FABP3: variants seen among roughly 807,000 people sequenced by gnomAD.
FABP3 encodes the protein fatty acid-binding protein, heart.
A neutral mutation model predicts 13.4 loss-of-function variants in FABP3; 8 were observed. That is an observed-to-expected ratio of 0.60 (90% CI 0.35 to 1.07). The LOEUF (loss-of-function observed/expected upper bound fraction) is 1.07, where lower values mean the gene tolerates loss of function less well. Among genes scored for constraint, FABP3 ranks in the 50% least tolerant of loss-of-function variants. The pLI, the probability that FABP3 is intolerant of heterozygous loss-of-function variation, is 0.02. For missense variants in FABP3, 135 were observed against 164.7 expected, an observed-to-expected ratio of 0.82 and a Z score of 0.99; for synonymous variants, 64 against 60.0, an observed-to-expected ratio of 1.07 and a Z score of -0.31.
At chr1:31,361,786 A>ATTGATTAT (rs1639907670), downstream of FABP3, among the ~76,000 whole-genome samples, 1 of 145,814 alleles carries the variant, frequency 6.9e-6, no homozygotes, top group African/African-American at 2.5e-5. Context: ...AGAGGGGGAG[A>ATTGATTAT]TTATTTATTT....
intron 3 of FABP3, 50 bp from the exon 4 acceptor site, chr1:31,365,989 G>T (rs1460543476): frequency 1.3e-6 from 2 of 1,535,198 alleles, no homozygotes; most frequent in Non-Finnish European, 1.8e-6. Context: ...GAACACCATT[G>T]CGAGCATTCT....
At chr1:31,363,930 T>C (rs974703987), downstream of FABP3, 5 of 1,481,190 alleles carry the variant, frequency 3.4e-6, no homozygotes, top group Non-Finnish European at 4.5e-6. Context: ...CCCAAAGTAC[T>C]AGGATTACAG....
In FABP3 at chr1:31,365,917, A is replaced by T; in HGVS notation, c.371T>A (p.Val124Asp). 1 of 1,613,942 alleles carries T rather than the reference A, an allele frequency of 6.2e-7. No homozygotes were observed. Among genetic ancestry groups the T allele is most frequent in the Non-Finnish European group, 8.5e-7 (1 of 1,179,976 alleles). The change falls in exon 4 of 4, where the codon GTT becomes GAT. Residue 124 changes from valine (V) to aspartate (D), a missense_variant. Physicochemically the swap from Val to Asp is radical, Grantham distance 152. Transcript: ENST00000373713. Reference sequence around the variant, plus strand: ...CTCTTTCTCATAAGTGCGAGTGCAAACTGCAGTGCCGTGGGTGAGTGTCTG... The same window carrying T: ...CTCTTTCTCATAAGTGCGAGTGCAATCTGCAGTGCCGTGGGTGAGTGTCTG... Reference protein sequence around the residue: ...LILTLTHGTAVCTRTYEKEA With the variant: ...LILTLTHGTADCTRTYEKEA
Position 31,365,287 on chromosome 1 carries a change from C to A in FABP3, c.*599G>T, listed in dbSNP as rs902222661. Among the ~76,000 whole-genome samples the A allele has an allele frequency of 1.3e-5, 2 of 152,164 alleles. No individual in the cohort carries two copies. Among genetic ancestry groups the A allele is most frequent in the East Asian group, 3.9e-4 (2 of 5,190 alleles). On this transcript the variant is annotated 3_prime_UTR_variant, in exon 4 of 4. Coordinates refer to ENST00000373713, the MANE Select transcript of FABP3 (RefSeq NM_004102.5). Reference sequence around the variant, plus strand: ...ACAAGCCTGGGTTCTGTGCCCTGAACCTGAATTCTGGAAAGGGAGAGACTA... The same window carrying A: ...ACAAGCCTGGGTTCTGTGCCCTGAAACTGAATTCTGGAAAGGGAGAGACTA...
chr1:31,369,101 T>A, intron 2 of FABP3: 1 of 367,580 alleles, frequency 2.7e-6, no homozygotes, highest in Non-Finnish European at 5.0e-6. Flanking sequence ...GGAGCTGGAG[T>A]AGATACTGAG....
At chr1:31,363,938 C>T (rs1569964327), downstream of FABP3, 2 of 1,508,632 alleles carry the variant, frequency 1.3e-6, no homozygotes, top group East Asian at 2.3e-5. Flanking sequence ...ACTAGGATTA[C>T]AGGTGTGAGC....
intron 2 of FABP3, among the ~76,000 whole-genome samples, chr1:31,367,989 T>C (rs1035157496): frequency 3.9e-5 from 6 of 152,222 alleles, no homozygotes; most frequent in Non-Finnish European, 8.8e-5. Flanking sequence ...ATAATTAGAC[T>C]TCCTGCCCTG....
chr1:31,366,629 G>A (rs554284067), intron 3 of FABP3, among the ~76,000 whole-genome samples: 7 of 152,214 alleles, frequency 4.6e-5, no homozygotes, highest in Non-Finnish European at 1.0e-4. Flanking sequence ...AGGCCCTGTG[G>A]TTAGGCAGAA....
intron 3 of FABP3, 141 bp from the exon 4 acceptor site, chr1:31,366,080 G>A: frequency 1.6e-6 from 1 of 618,220 alleles, no homozygotes. Context: ...GTGTGTGTGT[G>A]TGTGTGTGTG....
At position 31,365,912 on chromosome 1, in the gene FABP3, T is replaced by C; in HGVS notation, c.376A>G (p.Thr126Ala). ...CATGCCTCTTTCTCATAAGTGCGAG[T>C]GCAAACTGCAGTGCCGTGGGTGAGT... ...LTLTHGTAVC[T>A]RTYEKEA Residue 126 changes from threonine (T) to alanine (A), a missense_variant, in exon 4 of 4, where the codon ACT (threonine) becomes GCT (alanine). Transcript: ENST00000373713. 6.2e-7 allele frequency: 1 copy of C among 1,613,860 alleles called. No individual in the cohort carries two copies. The highest frequency in any genetic ancestry group is 8.5e-7 in the Non-Finnish European group (1 of 1,179,952).
downstream of FABP3, chr1:31,364,424 C>A: frequency 1.6e-6 from 1 of 625,444 alleles, no homozygotes; most frequent in Non-Finnish European, 2.6e-6. Context: ...GCAAGTGAAC[C>A]CTGCAGCTCA....
chr1:31,367,982 A>C (rs1316284962), intron 2 of FABP3, among the ~76,000 whole-genome samples: 3 of 152,194 alleles, frequency 2.0e-5, no homozygotes, highest in African/African-American at 7.2e-5. Context: ...GTATTGGATA[A>C]TTAGACTTCC....
intron 1 of FABP3, 83 bp from the exon 2 acceptor site, chr1:31,369,640 C>T (rs1640174252): frequency 7.4e-7 from 1 of 1,353,834 alleles, no homozygotes; most frequent in Non-Finnish European, 1.0e-6. Context: ...ACTCTCAGGC[C>T]TGGGTATGGG....
At chr1:31,371,324 G>A (rs570875269) in intron 1 of FABP3, among the ~76,000 whole-genome samples, 3 of 152,342 alleles carry the variant, frequency 2.0e-5, no homozygotes, top group South Asian at 2.1e-4. Context: ...TGGGAGCTCT[G>A]TTCACTTAGG....
At chr1:31,360,162 T>C in the FABP3 span, among the ~76,000 whole-genome samples, 1 of 141,690 alleles carries the variant, frequency 7.1e-6, no homozygotes, top group Middle Eastern at 4.0e-3. Flanking sequence ...TTTTTGTGTG[T>C]GCGTGTTTTG....
downstream of FABP3, among the ~76,000 whole-genome samples, chr1:31,360,266 C>T (rs1296531653): frequency 6.9e-6 from 1 of 144,464 alleles, no homozygotes; most frequent in African/African-American, 2.6e-5. Context: ...GCCTCCCACG[C>T]TCAAGCGATT....
Position 31,365,747 on chromosome 1 carries a change from CTG to C in FABP3, c.*137_*138del, listed in dbSNP as rs1640094650. 1.4e-6 allele frequency: 1 copy of C among 699,830 alleles called. No homozygotes were observed. Among genetic ancestry groups the C allele is most frequent in the South Asian group, 1.6e-5 (1 of 62,162 alleles). The allele number at this position is 699,830 out of a possible 1,614,324, so 43.4% of individuals were successfully genotyped here. ...ACCACATACACCATGGGAACTGGAA[CTG>C]GATCCCGGTCAGTGGCACCTGACCC... is the stretch of plus-strand genomic sequence containing the variant. On this transcript the variant is annotated 3_prime_UTR_variant, in exon 4 of 4. Transcript: ENST00000373713.
Position 31,365,570 on chromosome 1 carries a change from A to G in FABP3, c.*316T>C, listed in dbSNP as rs2148493028. On this transcript the variant is annotated 3_prime_UTR_variant, in exon 4 of 4. Coordinates refer to ENST00000373713, the MANE Select transcript of FABP3 (RefSeq NM_004102.5). ...CAGTGCTTCTTCCTCAGTAACCTTC[A>G]GGCCGTTATTTCTGCCCACTCTCTG... 3.1e-6 allele frequency: 1 copy of G among 319,704 alleles called. No homozygotes were observed. Among genetic ancestry groups the G allele is most frequent in the South Asian group, 3.7e-5 (1 of 27,092 alleles). The allele number at this position is 319,704 out of a possible 1,614,324, so 19.8% of individuals were successfully genotyped here.
downstream of FABP3, among the ~76,000 whole-genome samples, chr1:31,361,184 T>C (rs1639876503): frequency 1.3e-5 from 2 of 152,310 alleles, no homozygotes; most frequent in South Asian, 2.1e-4. Flanking sequence ...ATGGTTGTTA[T>C]AGCTCGGTAA....
Sources: allele counts gnomAD v4.1 joint callset (sites outside exome capture counted in the v4.1 genomes callset), GRCh38; gene constraint gnomAD v4.1.1; transcripts MANE v1.5; gene names NCBI Gene and HGNC (gene_info 2026-07-23, HGNC 2026-07-21).